The following FHIT variants were observed in gnomAD, a reference collection of about 807,000 sequenced individuals.
FHIT encodes bis(5'-adenosyl)-triphosphatase.
In FHIT, 19 loss-of-function variants were observed where a neutral mutation model predicts 17.9. The ratio of observed to expected loss-of-function variants is 1.06; its 90% CI spans 0.74 to 1.56. The LOEUF is 1.56. Ranked by LOEUF, FHIT falls within the 40% of genes most tolerant of loss-of-function variation. The probability of loss-of-function intolerance (pLI) is 0.00; values close to 1 mark genes in which losing one functional copy is unlikely to be tolerated. For missense variants in FHIT, 248 were observed against 189.2 expected, an observed-to-expected ratio of 1.31 and a Z score of -1.82; for synonymous variants, 81 against 69.7, an observed-to-expected ratio of 1.16 and a Z score of -0.81.
At chr3:61,056,554 G>A (rs569823406) in intron 2 of FHIT, among the ~76,000 whole-genome samples, 8 of 152,132 alleles carry the variant, frequency 5.3e-5, no homozygotes, top group Non-Finnish European at 7.4e-5. Context: ...AGGTGGTCAG[G>A]GGAGGCCTTC....
intron 8 of FHIT, among the ~76,000 whole-genome samples, chr3:59,809,004 TG>T (rs761700971): frequency 1.3e-5 from 2 of 152,166 alleles, no homozygotes; most frequent in Non-Finnish European, 2.9e-5. Context: ...GTGGTGATCA[TG>T]GATTTCATCC....
At chr3:60,664,732 G>A (rs1553692037) in intron 4 of FHIT, among the ~76,000 whole-genome samples, 2 of 144,752 alleles carry the variant, frequency 1.4e-5, no homozygotes, top group African/African-American at 5.1e-5. Context: ...TTTAGAAATT[G>A]GTCTATTTCT....
intron 5 of FHIT, among the ~76,000 whole-genome samples, chr3:60,237,648 C>T (rs73832550): frequency 0.11 from 17,047 of 152,196 alleles, 1,755 homozygotes; most frequent in African/African-American, 0.28. Flanking sequence ...AAGCGCTCCA[C>T]TGACCCCAAA....
intron 2 of FHIT, among the ~76,000 whole-genome samples, chr3:61,100,945 G>A (rs181845753): frequency 5.3e-5 from 8 of 152,262 alleles, no homozygotes; most frequent in African/African-American, 1.9e-4. Flanking sequence ...GTTCTTTGTA[G>A]ATTCTGGATA....
chr3:60,324,136 G>A (rs957537905), intron 5 of FHIT, among the ~76,000 whole-genome samples: 4 of 152,104 alleles, frequency 2.6e-5, no homozygotes, highest in African/African-American at 9.7e-5. Context: ...TCAGTACTTA[G>A]AAGTATTAAC....
chr3:60,834,571 G>A (rs1453176976), intron 3 of FHIT, among the ~76,000 whole-genome samples: 2 of 151,634 alleles, frequency 1.3e-5, no homozygotes, highest in Non-Finnish European at 3.0e-5. Flanking sequence ...TCTTAAAAGG[G>A]TCTTAGGCCG....
intron 5 of FHIT, among the ~76,000 whole-genome samples, chr3:60,528,422 A>G (rs530255206): frequency 1.1e-4 from 15 of 131,446 alleles, no homozygotes; most frequent in Admixed American, 7.2e-4. Context: ...AAAGGAAAAG[A>G]AAGGAAGGAA....
At chr3:59,964,762 G>A (rs983382974) in intron 7 of FHIT, among the ~76,000 whole-genome samples, 1 of 152,052 alleles carries the variant, frequency 6.6e-6, no homozygotes, top group Non-Finnish European at 1.5e-5. Context: ...TAATTCTAAT[G>A]TGCATAAACA....
chr3:61,239,004 G>GGGTCCAGA (rs1306560871), intron 1 of FHIT, among the ~76,000 whole-genome samples: 2 of 152,162 alleles, frequency 1.3e-5, no homozygotes, highest in Non-Finnish European at 2.9e-5. Flanking sequence ...ATGGAACCTA[G>GGGTCCAGA]GGTCCAGAGA....
intron 5 of FHIT, among the ~76,000 whole-genome samples, chr3:60,049,295 C>T (rs1701778085): frequency 6.6e-6 from 1 of 152,152 alleles, no homozygotes; most frequent in Non-Finnish European, 1.5e-5. Context: ...AGCTGTTAAA[C>T]ATAGTAGCCA....
chr3:59,860,622 G>A (rs895268999), intron 8 of FHIT, among the ~76,000 whole-genome samples: 1 of 152,182 alleles, frequency 6.6e-6, no homozygotes. Context: ...GAGACTGACT[G>A]GAGAACAGGT....
At position 59,914,403 on chromosome 3, in the gene FHIT, G is replaced by A. The variant is rs1381225955; in HGVS notation, c.348+7943C>T. The stretch of plus-strand genomic sequence containing the variant: ...TCAGGCTATGTTTCCAGGACTCTAT[G>A]TCTCCAAAAGCAGGCAACTTGGAGG... On this transcript the variant is annotated intron_variant, in intron 8 of 9. Transcript: ENST00000492590. 2.6e-5 allele frequency among the ~76,000 whole-genome samples: 4 copies of A among 152,216 alleles called. No individual in the cohort carries two copies. The East Asian group carries it at 7.7e-4, about 29-fold the overall frequency.
At chr3:59,803,052 A>G (rs1170354266) in intron 8 of FHIT, among the ~76,000 whole-genome samples, 1 of 152,104 alleles carries the variant, frequency 6.6e-6, no homozygotes, top group African/African-American at 2.4e-5. Context: ...GCCTAGCTGA[A>G]TGGTGCATAC....
At chr3:60,419,420 C>T in intron 5 of FHIT, among the ~76,000 whole-genome samples, 1 of 152,188 alleles carries the variant, frequency 6.6e-6, no homozygotes, top group East Asian at 1.9e-4. Context: ...AGAGTTGGCA[C>T]TTTCTGTGTC....
At chr3:60,004,297 C>G (rs763119824) in intron 7 of FHIT, among the ~76,000 whole-genome samples, 1 of 152,046 alleles carries the variant, frequency 6.6e-6, no homozygotes, top group Admixed American at 6.6e-5. Flanking sequence ...ATATGTGCCA[C>G]GTGTCGGCAT....
At chr3:60,541,449 A>T (rs2107607414) in intron 4 of FHIT, among the ~76,000 whole-genome samples, 1 of 152,052 alleles carries the variant, frequency 6.6e-6, no homozygotes, top group Non-Finnish European at 1.5e-5. Flanking sequence ...TACCACTTTG[A>T]TTTTTTGCTT....
intron 5 of FHIT, among the ~76,000 whole-genome samples, chr3:60,532,787 A>ATTTGACAG (rs2035834542): frequency 6.6e-6 from 1 of 152,162 alleles, no homozygotes. Flanking sequence ...TTGGCCTCTG[A>ATTTGACAG]TTTGACAGTT....
intron 3 of FHIT, among the ~76,000 whole-genome samples, chr3:60,938,784 C>T (rs1393672311): frequency 1.3e-5 from 2 of 152,164 alleles, no homozygotes; most frequent in Non-Finnish European, 2.9e-5. Flanking sequence ...CAGGAGGTCC[C>T]GTCCCCTCCA....
At chr3:60,858,642 G>A (rs896962619) in intron 3 of FHIT, among the ~76,000 whole-genome samples, 1 of 152,126 alleles carries the variant, frequency 6.6e-6, no homozygotes, top group Non-Finnish European at 1.5e-5. Context: ...GTTTTGGTAA[G>A]TGCCTTATTA....
Sources: allele counts gnomAD v4.1 joint callset (sites outside exome capture counted in the v4.1 genomes callset), GRCh38; gene constraint gnomAD v4.1.1; transcripts MANE v1.5; gene names NCBI Gene and HGNC (gene_info 2026-07-23, HGNC 2026-07-21).